ZFPM2: variants seen among roughly 807,000 people sequenced by gnomAD.
The protein encoded by ZFPM2 is zinc finger protein ZFPM2.
A neutral mutation model predicts 98.6 loss-of-function variants in ZFPM2; 20 were observed. The observed-to-expected ratio is 0.20, with a 90% CI of 0.14 to 0.29. The LOEUF (loss-of-function observed/expected upper bound fraction) is 0.29. Ranked by LOEUF, ZFPM2 falls within the 10% of genes least tolerant of loss-of-function variation. The pLI, the probability that ZFPM2 is intolerant of heterozygous loss-of-function variation, is 1.00. For synonymous variants in ZFPM2, 518 were observed against 502.7 expected (o/e 1.03, Z -0.41); for missense variants, 1,310 against 1,388.6 (o/e 0.94, Z 0.90).
chr8:105,553,471 C>G (rs1440120164), intron 3 of ZFPM2, among the ~76,000 whole-genome samples: 2 of 152,112 alleles, frequency 1.3e-5, no homozygotes, highest in Admixed American at 6.6e-5. Flanking sequence ...GGTTTTAGAC[C>G]ATTCCAGTGT....
chr8:105,405,148 G>T (rs1196260707), intron 1 of ZFPM2, among the ~76,000 whole-genome samples: 1 of 152,044 alleles, frequency 6.6e-6, no homozygotes, highest in Non-Finnish European at 1.5e-5. Flanking sequence ...TCTATTGGGG[G>T]ATATGCCAGA....
intron 5 of ZFPM2, 86 bp from the exon 6 acceptor site, chr8:105,788,632 A>T (rs1472423378): frequency 7.7e-7 from 1 of 1,302,806 alleles, no homozygotes; most frequent in African/African-American, 1.5e-5. Flanking sequence ...GAAAAACATG[A>T]GAAGGTGCTA....
chr8:105,546,660 C>G (rs1467355771), intron 3 of ZFPM2, among the ~76,000 whole-genome samples: 1 of 151,792 alleles, frequency 6.6e-6, no homozygotes, highest in Non-Finnish European at 1.5e-5. Flanking sequence ...TATACTGAGT[C>G]CTTTATCTAT....
At chr8:105,465,538 G>GA (rs1371136246) in intron 3 of ZFPM2, among the ~76,000 whole-genome samples, 2 of 151,796 alleles carry the variant, frequency 1.3e-5, no homozygotes, top group Non-Finnish European at 2.9e-5. Context: ...TAGATTTATA[G>GA]AAATTATACT....
intron 4 of ZFPM2, among the ~76,000 whole-genome samples, chr8:105,562,474 A>C (rs1318123498): frequency 4.6e-5 from 7 of 152,114 alleles, no homozygotes; most frequent in Admixed American, 3.3e-4. Flanking sequence ...ACATAAACTT[A>C]TTATCTTGCA....
intron 1 of ZFPM2, among the ~76,000 whole-genome samples, chr8:105,415,586 C>G (rs1263264249): frequency 1.3e-5 from 2 of 152,002 alleles, no homozygotes; most frequent in Admixed American, 1.3e-4. Context: ...GAGTTTCCTT[C>G]ATTCCCTCCT....
At chr8:105,516,710 G>A (rs1298234010) in intron 3 of ZFPM2, among the ~76,000 whole-genome samples, 3 of 151,972 alleles carry the variant, frequency 2.0e-5, no homozygotes, top group South Asian at 2.1e-4. Flanking sequence ...TTTTTTTGGC[G>A]AGGGTTGCTG....
intron 5 of ZFPM2, among the ~76,000 whole-genome samples, chr8:105,723,001 A>C (rs1332185643): frequency 6.6e-6 from 1 of 151,786 alleles, no homozygotes; most frequent in Non-Finnish European, 1.5e-5. Context: ...ATCTAATGTT[A>C]ATCTGTTTTC....
chr8:105,741,497 A>G (rs1563544842), intron 5 of ZFPM2, among the ~76,000 whole-genome samples: 1 of 152,228 alleles, frequency 6.6e-6, no homozygotes, highest in East Asian at 1.9e-4. Flanking sequence ...GGAAAGAGGT[A>G]GAGCATCTAA....
intron 5 of ZFPM2, among the ~76,000 whole-genome samples, chr8:105,685,384 C>T (rs1320854884): frequency 6.6e-6 from 1 of 152,000 alleles, no homozygotes; most frequent in East Asian, 1.9e-4. Context: ...ATAAAACCAG[C>T]AAGGGGACCA....
intron 1 of ZFPM2, among the ~76,000 whole-genome samples, chr8:105,413,916 C>T (rs188536643): frequency 1.3e-3 from 198 of 151,914 alleles, no homozygotes; most frequent in African/African-American, 4.0e-3. Flanking sequence ...TGTGTGTTTT[C>T]GGGGCAAATT....
At chr8:105,467,699 G>C (rs1408086217) in intron 3 of ZFPM2, among the ~76,000 whole-genome samples, 2 of 152,000 alleles carry the variant, frequency 1.3e-5, no homozygotes. Flanking sequence ...AGTAGGCTGA[G>C]TCTTTGAAGA....
At chr8:105,682,324 G>A (rs1810626487) in intron 5 of ZFPM2, among the ~76,000 whole-genome samples, 1 of 152,154 alleles carries the variant, frequency 6.6e-6, no homozygotes, top group South Asian at 2.1e-4. Flanking sequence ...AAGACAGTGA[G>A]TAAGTGACCC....
intron 5 of ZFPM2, among the ~76,000 whole-genome samples, chr8:105,759,474 G>T (rs1458131232): frequency 2.6e-5 from 4 of 151,696 alleles, no homozygotes; most frequent in African/African-American, 9.7e-5. Flanking sequence ...TTTTTCTAAG[G>T]CTCCCAATTA....
At chr8:105,597,678 A>T (rs1218861785) in intron 4 of ZFPM2, among the ~76,000 whole-genome samples, 1 of 152,122 alleles carries the variant, frequency 6.6e-6, no homozygotes, top group Non-Finnish European at 1.5e-5. Flanking sequence ...ACCCATCTTA[A>T]TTTAGTAATA....
chr8:105,677,534 T>A (rs1049391008), intron 5 of ZFPM2, among the ~76,000 whole-genome samples: 6 of 152,106 alleles, frequency 3.9e-5, no homozygotes, highest in African/African-American at 1.4e-4. Flanking sequence ...TTCTTTTCCT[T>A]TCTGAAAACA....
At chr8:105,469,171 TATATA>T (rs771105832) in intron 3 of ZFPM2, among the ~76,000 whole-genome samples, 3 of 152,274 alleles carry the variant, frequency 2.0e-5, no homozygotes, top group East Asian at 3.9e-4. Flanking sequence ...TTTGCCCACT[TATATA>T]ATAAGTTTTG....
rs567335091 is a variant in ZFPM2, at chr8:105,665,390, A to T, written c.532+31033A>T. Among the ~76,000 whole-genome samples the T allele has an allele frequency of 4.4e-4, 67 of 152,294 alleles. 1 individual carries two copies. The highest frequency in any genetic ancestry group is 1.4e-3 in the African/African-American group (60 of 41,564). On this transcript the variant is annotated intron_variant, in intron 5 of 7. Transcript: ENST00000407775. ...TTATTTAGATAAGCTTATTTATTAT[A>T]TTGGTACAAAAATGATAATTGTTGG...
At chr8:105,588,542 G>T (rs1212036490) in intron 4 of ZFPM2, among the ~76,000 whole-genome samples, 1 of 152,016 alleles carries the variant, frequency 6.6e-6, no homozygotes. Context: ...TGACCCTTTG[G>T]GTCCTTGTGC....
Sources: gnomAD v4.1 joint callset for allele counts (sites outside exome capture counted in the v4.1 genomes callset) on GRCh38, gnomAD v4.1.1 for gene constraint, MANE v1.5 for transcripts, NCBI Gene and HGNC (gene_info 2026-07-23, HGNC 2026-07-21) for gene names.